TMEM132D: variants seen among roughly 807,000 people sequenced by gnomAD.
TMEM132D encodes mature OL transmembrane protein.
TMEM132D carries 21 observed loss-of-function variants against 62.3 expected under a neutral mutation model. The observed-to-expected ratio is 0.34, with a 90% CI of 0.24 to 0.49. The LOEUF (loss-of-function observed/expected upper bound fraction) is 0.49. Among genes scored for constraint, TMEM132D ranks in the 20% least tolerant of loss-of-function variants. The pLI, the probability that TMEM132D is intolerant of heterozygous loss-of-function variation, is 0.99. For synonymous variants in TMEM132D, 621 were observed against 575.6 expected (o/e 1.08, Z -1.13); for missense variants, 1,346 against 1,402.8 (o/e 0.96, Z 0.65).
At chr12:129,547,086 G>C (rs886068696) in intron 2 of TMEM132D, among the ~76,000 whole-genome samples, 3 of 152,076 alleles carry the variant, frequency 2.0e-5, no homozygotes, top group African/African-American at 7.2e-5. Flanking sequence ...GCTTCCTCTG[G>C]GGCTCTAGGG....
intron 4 of TMEM132D, among the ~76,000 whole-genome samples, chr12:129,221,741 C>G (rs1440759505): frequency 6.6e-6 from 1 of 152,126 alleles, no homozygotes; most frequent in Non-Finnish European, 1.5e-5. Flanking sequence ...GAATAACAAC[C>G]AATCACCCTG....
chr12:129,653,234 G>A (rs1232447937), intron 2 of TMEM132D, among the ~76,000 whole-genome samples: 1 of 152,092 alleles, frequency 6.6e-6, no homozygotes, highest in African/African-American at 2.4e-5. Flanking sequence ...ATACAGGGAG[G>A]AGAACGGCTC....
At chr12:129,835,891 C>A (rs925174677) in intron 1 of TMEM132D, among the ~76,000 whole-genome samples, 13 of 152,334 alleles carry the variant, frequency 8.5e-5, no homozygotes, top group Non-Finnish European at 1.9e-4. Context: ...TCTTCCCCAC[C>A]ATGGGAAGGT....
chr12:129,434,271 A>C (rs535211361), intron 3 of TMEM132D, among the ~76,000 whole-genome samples: 1 of 152,364 alleles, frequency 6.6e-6, no homozygotes, highest in East Asian at 1.9e-4. Context: ...AACCTGCTTT[A>C]ATAGTGTACA....
At chr12:129,354,564 T>C (rs1185670244) in intron 3 of TMEM132D, among the ~76,000 whole-genome samples, 2 of 152,256 alleles carry the variant, frequency 1.3e-5, no homozygotes, top group Admixed American at 6.5e-5. Flanking sequence ...CTTTGTGATC[T>C]GCCCACCTCA....
At chr12:129,136,023 G>C (rs573591376) in intron 5 of TMEM132D, among the ~76,000 whole-genome samples, 1 of 152,226 alleles carries the variant, frequency 6.6e-6, no homozygotes, top group African/African-American at 2.4e-5. Context: ...TTTAAAATAC[G>C]AATTTTGGGG....
chr12:129,386,989 T>C (rs1168448043), intron 3 of TMEM132D, among the ~76,000 whole-genome samples: 1 of 151,198 alleles, frequency 6.6e-6, no homozygotes, highest in Non-Finnish European at 1.5e-5. Flanking sequence ...ACACTATCAC[T>C]AACACCAACA....
At chr12:129,826,826 C>A (rs549693824) in intron 1 of TMEM132D, among the ~76,000 whole-genome samples, 1 of 151,934 alleles carries the variant, frequency 6.6e-6, no homozygotes, top group Non-Finnish European at 1.5e-5. Flanking sequence ...GGAGAAGCTT[C>A]GCTGGTCAAC....
chr12:129,457,157 A>G (rs1415021927), intron 3 of TMEM132D, among the ~76,000 whole-genome samples: 1 of 152,044 alleles, frequency 6.6e-6, no homozygotes, highest in Non-Finnish European at 1.5e-5. Context: ...TTATTGCGGC[A>G]CTATTCACAA....
chr12:129,627,649 A>T (rs1879257100), intron 2 of TMEM132D, among the ~76,000 whole-genome samples: 1 of 152,304 alleles, frequency 6.6e-6, no homozygotes, highest in African/African-American at 2.4e-5. Flanking sequence ...TACACTTACT[A>T]TGTTACCCAC....
intron 2 of TMEM132D, among the ~76,000 whole-genome samples, chr12:129,547,879 G>A (rs1876782982): frequency 6.6e-6 from 1 of 152,166 alleles, no homozygotes; most frequent in African/African-American, 2.4e-5. Context: ...CTTGCTCCAA[G>A]TCACACAGCT....
rs58310151 is a variant in TMEM132D at position 129,827,170 on chromosome 12, A to G, written c.79+76091T>C. Among the ~76,000 whole-genome samples, 226 of 152,348 alleles carry G rather than the reference A, an allele frequency of 1.5e-3. 2 individuals carry two copies. In the East Asian group the frequency reaches 0.039, roughly 27 times the overall value. On this transcript the variant is annotated intron_variant, in intron 1 of 8. Transcript: ENST00000422113. The surrounding 1 kb of genome is among the most constrained non-coding windows in gnomAD (Gnocchi z 9.7). ...ATAATTAAGCGCGTCTCTATATTTGATCTTCTGCTAAGCTCTCCCCAGGCT... is the reference window on the plus strand; with the variant it reads ...ATAATTAAGCGCGTCTCTATATTTGGTCTTCTGCTAAGCTCTCCCCAGGCT...
chr12:129,832,035 C>CTTTTTTTTTTTTTTT (rs71085577), intron 1 of TMEM132D, among the ~76,000 whole-genome samples: 11 of 94,174 alleles, frequency 1.2e-4, no homozygotes, highest in Non-Finnish European at 1.5e-4. Flanking sequence ...ATGCCCGGCT[C>CTTTTTTTTTTTTTTT]TTTTTTTTTT....
At chr12:129,899,162 T>C (rs1259293568) in intron 1 of TMEM132D, among the ~76,000 whole-genome samples, 1 of 150,480 alleles carries the variant, frequency 6.6e-6, no homozygotes, top group Non-Finnish European at 1.5e-5. Flanking sequence ...GATGGATAGA[T>C]GGAAGGATGG....
At chr12:129,110,128 G>C (rs1187671966) in intron 5 of TMEM132D, 1 of 152,262 alleles carries the variant, frequency 6.6e-6, no homozygotes, top group Non-Finnish European at 1.5e-5. Flanking sequence ...CCTTTCCCAG[G>C]GACCAGACCT....
At chr12:129,120,960 G>A (rs569914742) in intron 5 of TMEM132D, among the ~76,000 whole-genome samples, 59 of 152,034 alleles carry the variant, frequency 3.9e-4, no homozygotes, top group African/African-American at 1.3e-3. Context: ...GCAGAATAAC[G>A]GCTCCCCAAA....
At position 129,576,069 on chromosome 12, in the gene TMEM132D, C is replaced by T; in HGVS notation, c.969-44864G>A. ...GATTACAGGCGTGAGCCACCGCGCC[C>T]GGCCCAGATAGATACATTTTAAGTA... On this transcript the variant is annotated intron_variant, in intron 2 of 8. Coordinates refer to ENST00000422113, the MANE Select transcript of TMEM132D (RefSeq NM_133448.3). Among the ~76,000 whole-genome samples, 2 of 4,064 alleles carry T rather than the reference C, an allele frequency of 4.9e-4. 1 individual carries two copies. The highest frequency in any genetic ancestry group is 1.1e-3 in the African/African-American group (2 of 1,772). The allele number at this position is 4,064 out of a possible 152,430, so 2.7% of individuals were successfully genotyped here. A position where few individuals can be genotyped will look rare whatever the true frequency, so the allele number is the denominator to read the frequency against.
intron 4 of TMEM132D, among the ~76,000 whole-genome samples, chr12:129,268,427 T>C (rs906435397): frequency 2.0e-5 from 3 of 151,964 alleles, no homozygotes; most frequent in African/African-American, 7.3e-5. Context: ...AAAAAACACA[T>C]GAAAAAATGC....
intron 1 of TMEM132D, among the ~76,000 whole-genome samples, chr12:129,839,561 C>A (rs185191994): frequency 7.9e-5 from 12 of 152,268 alleles, no homozygotes; most frequent in East Asian, 3.9e-4. Context: ...CTGTGCCCGG[C>A]CTTAAACTTC....
Sources: gnomAD v4.1 joint callset for allele counts (sites outside exome capture counted in the v4.1 genomes callset) on GRCh38, gnomAD v4.1.1 for gene constraint, Gnocchi (gnomAD v3.1) non-coding constraint, MANE v1.5 for transcripts, NCBI Gene and HGNC (gene_info 2026-07-23, HGNC 2026-07-21) for gene names.